Variants in ANXA6 observed in about 807,000 individuals in gnomAD.
ANXA6 encodes annexin A6.
Under a neutral mutation model 95.4 loss-of-function variants are expected in ANXA6, and 71 were observed. The observed-to-expected ratio is 0.74, with a 90% CI of 0.61 to 0.91. The LOEUF (loss-of-function observed/expected upper bound fraction) is 0.91. ANXA6 is among the 40% of genes least tolerant of loss of function. The pLI is 0.00. For synonymous variants in ANXA6, 289 were observed against 315.9 expected (o/e 0.91, Z 0.90); for missense variants, 830 against 876.4 (o/e 0.95, Z 0.67).
intron 20 of ANXA6, among the ~76,000 whole-genome samples, chr5:151,114,472 G>A (rs543136323): frequency 7.6e-4 from 116 of 151,912 alleles, no homozygotes; most frequent in African/African-American, 2.3e-3. Context: ...AAATTAGCTG[G>A]GCATGGTGTT....
chr5:151,104,792 G>C (rs941168255), intron 24 of ANXA6, among the ~76,000 whole-genome samples: 4 of 152,194 alleles, frequency 2.6e-5, no homozygotes, highest in African/African-American at 9.7e-5. Flanking sequence ...ATTTGTCCTA[G>C]GAGACCCTGT....
intron 10 of ANXA6, 148 bp downstream of exon 10, chr5:151,132,328 G>A: frequency 5.9e-6 from 4 of 674,364 alleles, no homozygotes; most frequent in Non-Finnish European, 9.9e-6. Context: ...ATGCTGCCCT[G>A]GAGAAACCTT....
At chr5:151,123,986 G>A (rs1301831990) in intron 15 of ANXA6, among the ~76,000 whole-genome samples, 1 of 152,192 alleles carries the variant, frequency 6.6e-6, no homozygotes, top group Non-Finnish European at 1.5e-5. Context: ...GTCAGCAGCA[G>A]AGCCAGGGCA....
rs767359646 is a variant in ANXA6, at chr5:151,133,111, T to C, written c.623A>G (p.Lys208Arg). Residue 208 changes from lysine (K) to arginine (R), a missense_variant, in exon 9 of 26, where the codon AAG becomes AGG. Lys to Arg is a conservative substitution (Grantham distance 26). Transcript: ENST00000354546. ...QFIYILGNRS[K>R]QHLRLVFDEY... ...GAGCTTACCCAACCGAAGATGCTGC[T>C]TGCTGCGATTTCCCAAGATGTAAAT... is the stretch of plus-strand genomic sequence containing the variant. 11 of 1,597,148 alleles carry C rather than the reference T, an allele frequency of 6.9e-6. No individual in the cohort carries two copies. Among genetic ancestry groups the C allele is most frequent in the Non-Finnish European group, 9.4e-6 (11 of 1,171,366 alleles).
At chr5:151,146,039 T>C (rs1473810504) in intron 2 of ANXA6, among the ~76,000 whole-genome samples, 3 of 152,110 alleles carry the variant, frequency 2.0e-5, no homozygotes, top group Non-Finnish European at 2.9e-5. Flanking sequence ...ACTCATCCCA[T>C]AGGAGGAGGG....
rs769376825 is a variant in ANXA6 at position 151,137,325 on chromosome 5, G to T, written c.319-4C>A. ...ACTTCTCATCAGTGCCAATGCCCTG[G>T]GGGTAGAAAAAGAGCGCATGAATTA... On this transcript the variant is annotated splice_region_variant and splice_polypyrimidine_tract_variant and intron_variant, in intron 5 of 25. Coordinates refer to ENST00000354546, the MANE Select transcript of ANXA6 (RefSeq NM_001155.5). 6.2e-7 allele frequency: 1 copy of T among 1,611,676 alleles called. No homozygotes were observed. Among genetic ancestry groups the T allele is most frequent in the Admixed American group, 1.7e-5 (1 of 59,910 alleles).
intron 7 of ANXA6, among the ~76,000 whole-genome samples, chr5:151,135,513 T>C (rs1263960797): frequency 6.6e-6 from 1 of 152,194 alleles, no homozygotes; most frequent in Non-Finnish European, 1.5e-5. Flanking sequence ...AATTTATATA[T>C]AAAGTTTCAT....
At chr5:151,153,082 G>A (rs145143991) in intron 1 of ANXA6, among the ~76,000 whole-genome samples, 69 of 152,246 alleles carry the variant, frequency 4.5e-4, no homozygotes, top group African/African-American at 1.6e-3. Context: ...CTCCAATGGT[G>A]CCCCTTAATA....
intron 19 of ANXA6, 85 bp from the exon 20 acceptor site, chr5:151,117,265 A>C: frequency 1.5e-6 from 2 of 1,325,008 alleles, no homozygotes; most frequent in Non-Finnish European, 2.1e-6. Flanking sequence ...GCTCATTTTC[A>C]CCTCTCTGAA....
chr5:151,134,185 T>C (rs1765594349), intron 8 of ANXA6, among the ~76,000 whole-genome samples: 1 of 152,244 alleles, frequency 6.6e-6, no homozygotes, highest in African/African-American at 2.4e-5. Flanking sequence ...AAAAACTGAA[T>C]GAATAAAGAA....
Position 151,124,341 on chromosome 5 carries a change from A to G in ANXA6, c.1083T>C (p.Asn361=). 1 of 1,612,928 alleles carries G rather than the reference A, an allele frequency of 6.2e-7. No individual in the cohort carries two copies. Among genetic ancestry groups the G allele is most frequent in the Middle Eastern group, 1.7e-4 (1 of 6,060 alleles). Reference sequence around the variant, plus strand: ...TGGCATCTGCGTCAGGGTTGAAGTCATTGGCTGGGCGCACAGTTCCCTTCA... The same window carrying G: ...TGGCATCTGCGTCAGGGTTGAAGTCGTTGGCTGGGCGCACAGTTCCCTTCA... The part of the protein sequence containing the change: ...VELKGTVRPA[N]DFNPDADAKA... The change falls in exon 15 of 26, where the codon AAT becomes AAC. Residue 361 remains asparagine (N), a synonymous_variant. Coordinates refer to ENST00000354546, the MANE Select transcript of ANXA6 (RefSeq NM_001155.5).
At chr5:151,148,798 A>G (rs1337194623) in intron 1 of ANXA6, among the ~76,000 whole-genome samples, 1 of 152,066 alleles carries the variant, frequency 6.6e-6, no homozygotes, top group East Asian at 1.9e-4. Context: ...AACCACCACG[A>G]GCTCAGTGTG....
At chr5:151,126,555 C>A (rs1765323862) in intron 13 of ANXA6, 75 bp from the exon 14 acceptor site, 1 of 793,664 alleles carries the variant, frequency 1.3e-6, no homozygotes, top group South Asian at 1.8e-5. Flanking sequence ...CACACACACA[C>A]ACACACACAC....
chr5:151,131,055 C>T (rs1765497054), intron 11 of ANXA6, among the ~76,000 whole-genome samples, 176 bp downstream of exon 11: 1 of 152,218 alleles, frequency 6.6e-6, no homozygotes, highest in Admixed American at 6.5e-5. Flanking sequence ...GGTGGCAGGA[C>T]ATGTGACCAG....
chr5:151,141,979 G>T (rs1765850413), intron 2 of ANXA6, among the ~76,000 whole-genome samples: 1 of 152,218 alleles, frequency 6.6e-6, no homozygotes, highest in South Asian at 2.1e-4. Context: ...ACCTCTGAGA[G>T]CAGATACCAG....
At chr5:151,138,525 G>A (rs776009946) in intron 5 of ANXA6, among the ~76,000 whole-genome samples, 153 bp downstream of exon 5, 4 of 152,092 alleles carry the variant, frequency 2.6e-5, no homozygotes, top group Admixed American at 1.3e-4. Context: ...TGTGCGGATC[G>A]GGATGCTCCT....
At chr5:151,137,386 G>T in intron 5 of ANXA6, 65 bp from the exon 6 acceptor site, 1 of 1,391,492 alleles carries the variant, frequency 7.2e-7, no homozygotes, top group Non-Finnish European at 1.0e-6. Flanking sequence ...CACAGGTTGG[G>T]ATCAGGGAGT....
At chr5:151,124,852 A>T (rs1445101730) in intron 14 of ANXA6, among the ~76,000 whole-genome samples, 1 of 152,222 alleles carries the variant, frequency 6.6e-6, no homozygotes, top group Non-Finnish European at 1.5e-5. Flanking sequence ...AAGGACTTTC[A>T]CTATTCCAAA....
At chr5:151,147,673 T>A (rs1467626369) in intron 2 of ANXA6, among the ~76,000 whole-genome samples, 1 of 152,176 alleles carries the variant, frequency 6.6e-6, no homozygotes, top group Non-Finnish European at 1.5e-5. Flanking sequence ...CACATCCTTT[T>A]CTGCTTAGGA....
Sources: gnomAD v4.1 joint callset for allele counts (sites outside exome capture counted in the v4.1 genomes callset) on GRCh38, gnomAD v4.1.1 for gene constraint, MANE v1.5 for transcripts, NCBI Gene and HGNC (gene_info 2026-07-23, HGNC 2026-07-21) for gene names.